PEAK1: variants seen among roughly 807,000 people sequenced by gnomAD.
The protein encoded by PEAK1 is pseudopodium enriched atypical kinase 1, also known as inactive tyrosine-protein kinase PEAK1.
In PEAK1, 54 loss-of-function variants were observed where a neutral mutation model predicts 124.7. The ratio of observed to expected loss-of-function variants is 0.43; its 90% CI spans 0.35 to 0.54. The LOEUF (loss-of-function observed/expected upper bound fraction) is 0.54, where lower values mean the gene tolerates loss of function less well. Ranked by LOEUF, PEAK1 falls within the 20% of genes least tolerant of loss-of-function variation. PEAK1 has a pLI of 0.01. For missense variants in PEAK1, 2,046 were observed against 2,134.5 expected, an observed-to-expected ratio of 0.96 and a Z score of 0.82; for synonymous variants, 719 against 760.0, an observed-to-expected ratio of 0.95 and a Z score of 0.89.
intron 2 of PEAK1, chr15:77,332,207 T>C (rs1283399534): frequency 2.0e-6 from 2 of 978,148 alleles, no homozygotes; most frequent in Non-Finnish European, 2.4e-6. Flanking sequence ...TCACTAACAA[T>C]GCATATGTGA....
intron 7 of PEAK1, among the ~76,000 whole-genome samples, chr15:77,162,463 C>T (rs2055740522): frequency 7.1e-6 from 1 of 141,160 alleles, no homozygotes; most frequent in Admixed American, 7.6e-5. Context: ...CACTAACACT[C>T]CAGCCTGGTG....
chr15:77,412,066 A>G (rs2072461795), intron 1 of PEAK1, among the ~76,000 whole-genome samples: 1 of 152,184 alleles, frequency 6.6e-6, no homozygotes, highest in Admixed American at 6.5e-5. Flanking sequence ...TTTATTAATG[A>G]TATGAAATCC....
At chr15:77,352,570 T>G in intron 2 of PEAK1, 1 of 947,830 alleles carries the variant, frequency 1.1e-6, no homozygotes, top group Non-Finnish European at 1.3e-6. Flanking sequence ...TATGTCATTT[T>G]TTAATATATA....
chr15:77,179,518 A>G lies in PEAK1; in HGVS notation c.2409T>C (p.Ala803=), dbSNP rs2152817707. Residue 803 remains alanine (A), a synonymous_variant, in exon 7 of 10, where the codon GCT becomes GCC. Transcript: ENST00000682557. ...TCTTAGGTGTGCTCTTAGCAACATC[A>G]GCATCTGGAGGAATGGCATAAAGCT... The part of the protein sequence containing the change: ...VEELYAIPPD[A]DVAKSTPKST... 1 of 1,614,160 alleles carries G rather than the reference A, an allele frequency of 6.2e-7. No individual in the cohort carries two copies. The highest frequency in any genetic ancestry group is 1.1e-5 in the South Asian group (1 of 91,082).
At chr15:77,418,634 A>G in intron 1 of PEAK1, 1 of 985,384 alleles carries the variant, frequency 1.0e-6, no homozygotes, top group South Asian at 4.7e-5. Flanking sequence ...TCAGAAAGTA[A>G]TTAGGGTCGT....
chr15:77,162,254 G>A (rs1362546699), intron 7 of PEAK1, among the ~76,000 whole-genome samples: 2 of 151,942 alleles, frequency 1.3e-5, no homozygotes, highest in Non-Finnish European at 2.9e-5. Context: ...AGCACTTTGG[G>A]AGGCCGATGC....
intron 7 of PEAK1, among the ~76,000 whole-genome samples, chr15:77,161,903 T>G (rs2055676244): frequency 6.9e-6 from 1 of 145,178 alleles, no homozygotes; most frequent in African/African-American, 2.6e-5. Context: ...GGGGCAGAGG[T>G]TGCAGTGAGC....
intron 6 of PEAK1, among the ~76,000 whole-genome samples, chr15:77,221,056 T>C (rs1434982897): frequency 6.6e-6 from 1 of 152,156 alleles, no homozygotes; most frequent in Non-Finnish European, 1.5e-5. Context: ...TCATTTAATA[T>C]TTATTGTTTT....
intron 7 of PEAK1, among the ~76,000 whole-genome samples, chr15:77,171,691 C>T (rs886529233): frequency 6.6e-6 from 1 of 152,020 alleles, no homozygotes; most frequent in Non-Finnish European, 1.5e-5. Context: ...CTGAATGTTG[C>T]CAACATGAAG....
At chr15:77,405,563 T>G (rs2071749759) in intron 1 of PEAK1, among the ~76,000 whole-genome samples, 1 of 152,066 alleles carries the variant, frequency 6.6e-6, no homozygotes, top group South Asian at 2.1e-4. Context: ...CAGAAAAAAT[T>G]AGAGGGAAAT....
intron 2 of PEAK1, chr15:77,346,087 T>C (rs1466359439): frequency 1.0e-6 from 1 of 985,338 alleles, no homozygotes; most frequent in Non-Finnish European, 1.2e-6. Context: ...GCACAACGAC[T>C]ATGCCATAAA....
rs1332249971 is a variant in PEAK1 at position 77,179,790 on chromosome 15, G to A, written c.2137C>T (p.Leu713Phe). The A allele has an allele frequency of 1.2e-6, 2 of 1,614,120 alleles. No individual in the cohort carries two copies. The highest frequency in any genetic ancestry group is 1.1e-5 in the South Asian group (1 of 91,074). Residue 713 changes from leucine to phenylalanine, a missense_variant, in exon 7 of 10, where the codon CTC becomes TTC. Coordinates refer to ENST00000682557, the MANE Select transcript of PEAK1 (RefSeq NM_001385026.1). ...TGTGGTGAAGACTGACCTCTGTTGA[G>A]ACAGTTGTTAAACTCTTGAACCTTC... ...AQKVQEFNNC[L>F]NRGQSSPQRS...
intron 6 of PEAK1, among the ~76,000 whole-genome samples, chr15:77,188,435 C>A (rs2152830280): frequency 6.6e-6 from 1 of 152,260 alleles, no homozygotes; most frequent in South Asian, 2.1e-4. Flanking sequence ...TTAACTACTA[C>A]TAATAATAAT....
At chr15:77,289,485 C>A (rs1260325440) in intron 2 of PEAK1, among the ~76,000 whole-genome samples, 1 of 152,140 alleles carries the variant, frequency 6.6e-6, no homozygotes, top group East Asian at 1.9e-4. Flanking sequence ...CAGAGGATTT[C>A]AACTGCAAAT....
At chr15:77,227,144 A>C (rs1222388259) in intron 6 of PEAK1, among the ~76,000 whole-genome samples, 1 of 152,232 alleles carries the variant, frequency 6.6e-6, no homozygotes, top group Non-Finnish European at 1.5e-5. Flanking sequence ...GATGTATATC[A>C]AAGGAAGAGA....
At chr15:77,334,646 AT>A in intron 2 of PEAK1, 1 of 985,186 alleles carries the variant, frequency 1.0e-6, no homozygotes, top group Non-Finnish European at 1.2e-6. Context: ...TCATATTTTT[AT>A]TTGTATTACT....
intron 6 of PEAK1, among the ~76,000 whole-genome samples, chr15:77,219,501 T>C (rs2059292977): frequency 6.6e-6 from 1 of 152,134 alleles, no homozygotes; most frequent in East Asian, 1.9e-4. Context: ...TAGTATCAGT[T>C]ACCATATAGC....
At chr15:77,275,957 T>C (rs2062299471) in intron 5 of PEAK1, among the ~76,000 whole-genome samples, 1 of 151,834 alleles carries the variant, frequency 6.6e-6, no homozygotes, top group Non-Finnish European at 1.5e-5. Flanking sequence ...TTACGATAAC[T>C]GAAATCAATG....
At chr15:77,168,241 A>G (rs888445643) in intron 7 of PEAK1, among the ~76,000 whole-genome samples, 3 of 150,270 alleles carry the variant, frequency 2.0e-5, no homozygotes, top group African/African-American at 5.0e-5. Context: ...GCGCGCGCAC[A>G]CACACACACA....
Sources: allele counts gnomAD v4.1 joint callset (sites outside exome capture counted in the v4.1 genomes callset), GRCh38; gene constraint gnomAD v4.1.1; transcripts MANE v1.5; gene names NCBI Gene and HGNC (gene_info 2026-07-23, HGNC 2026-07-21).